Variants in NOP53 observed in about 807,000 individuals in gnomAD.
NOP53 encodes the protein NOP53 ribosome biogenesis factor.
Under a neutral mutation model 61.0 loss-of-function variants are expected in NOP53, and 40 were observed. The observed-to-expected ratio is 0.66, with a 90% confidence interval of 0.51 to 0.85. The LOEUF is 0.85. NOP53 is among the 40% of genes least tolerant of loss of function. NOP53 has a pLI of 0.00. For missense variants in NOP53, 689 were observed against 652.9 expected (o/e 1.06, Z -0.60); for synonymous variants, 308 against 289.5 (o/e 1.06, Z -0.65).
chr19:47,752,738 G>C, intron 6 of NOP53, 131 bp downstream of exon 6: 1 of 643,036 alleles, frequency 1.6e-6, no homozygotes, highest in Admixed American at 2.4e-5. Flanking sequence ...CGGGGCTCAC[G>C]GTCCAGTGCA....
chr19:47,747,685 C>T (rs1319257806), intron 2 of NOP53, among the ~76,000 whole-genome samples: 1 of 150,264 alleles, frequency 6.7e-6, no homozygotes, highest in East Asian at 2.0e-4. Context: ...GGTGTGATCT[C>T]AGTTCAAGCG....
chr19:47,756,880 G>A (rs1169976044), intron 12 of NOP53, 119 bp from the exon 13 acceptor site: 4 of 1,532,532 alleles, frequency 2.6e-6, no homozygotes, highest in South Asian at 1.1e-5. Flanking sequence ...AAGAGGCCCT[G>A]AAACCAGAGC....
Position 47,754,955 on chromosome 19 carries a change from C to T in NOP53, c.1053+64C>T. ...CGCCCCCTTCCTTCCTTCCTCCCAC[C>T]ATGGGCTGCCCTGGGTGCTGCGGGC... is the stretch of plus-strand genomic sequence containing the variant. On this transcript the variant is annotated intron_variant, in intron 8 of 12. Coordinates refer to ENST00000246802, the MANE Select transcript of NOP53 (RefSeq NM_015710.5). The surrounding 1 kb of genome is among the most constrained non-coding windows in gnomAD (Gnocchi z 4.2). 7.1e-7 allele frequency: 1 copy of T among 1,408,710 alleles called. No individual in the cohort carries two copies. The highest frequency in any genetic ancestry group is 9.3e-7 in the Non-Finnish European group (1 of 1,070,688). The allele number at this position is 1,408,710 out of a possible 1,614,324, so 87.3% of individuals were successfully genotyped here. A position where few individuals can be genotyped will look rare whatever the true frequency, so the allele number is the denominator to read the frequency against.
rs758816567 is a variant in NOP53 at position 47,755,502 on chromosome 19, C to T, written c.1208C>T (p.Pro403Leu). Reference protein sequence around the residue: ...QARREAEADKPRRLGRLKYQA... With the variant: ...QARREAEADKLRRLGRLKYQA... ...CGGCGGGAGGCTGAGGCTGACAAGC[C>T]CCGAAGGCTGGGGCGGCTCAAGTGA... is the stretch of plus-strand genomic sequence containing the variant. Residue 403 changes from proline to leucine, a missense_variant, in exon 9 of 13, where the codon CCC becomes CTC. Transcript: ENST00000246802. 6.2e-5 allele frequency: 92 copies of T among 1,476,958 alleles called. No homozygotes were observed. In the Admixed American group the frequency reaches 2.2e-3, roughly 36 times the overall value. The allele number at this position is 1,476,958 out of a possible 1,614,324, so 91.5% of individuals were successfully genotyped here.
chr19:47,746,055 A>G (rs1055200562), intron 1 of NOP53: 1 of 491,342 alleles, frequency 2.0e-6, no homozygotes. Flanking sequence ...TTTTTAGCAT[A>G]AATACGTTCC....
At chr19:47,747,779 C>CTTT (rs750831883) in intron 2 of NOP53, among the ~76,000 whole-genome samples, 3 of 56,868 alleles carry the variant, frequency 5.3e-5, no homozygotes, top group East Asian at 4.9e-4. Context: ...TTCTCTCTCT[C>CTTT]TTTTTTTTTT....
At chr19:47,751,240 C>T (rs1341512606) in intron 4 of NOP53, 133 bp downstream of exon 4, 18 of 854,406 alleles carry the variant, frequency 2.1e-5, no homozygotes, top group East Asian at 1.9e-4. Flanking sequence ...CCAGCAGAGT[C>T]GTGCGTCCTG....
chr19:47,750,457 C>T (rs545338971), intron 3 of NOP53, among the ~76,000 whole-genome samples, 171 bp downstream of exon 3: 163 of 151,992 alleles, frequency 1.1e-3, no homozygotes, highest in Non-Finnish European at 1.8e-3. Context: ...GGTGCTGGGC[C>T]GAGGCAGGTG....
chr19:47,746,885 G>A, intron 1 of NOP53, 82 bp from the exon 2 acceptor site: 2 of 1,144,522 alleles, frequency 1.7e-6, no homozygotes, highest in Admixed American at 3.6e-5. Context: ...TGACTAAGCG[G>A]AAGATGAAGG....
In NOP53 at chr19:47,754,956, A is replaced by G. The variant is rs372420768; in HGVS notation, c.1053+65A>G. 15 of 1,401,376 alleles carry G rather than the reference A, an allele frequency of 1.1e-5. No individual in the cohort carries two copies. In the South Asian group the frequency reaches 1.1e-4, roughly 11 times the overall value. The allele number at this position is 1,401,376 out of a possible 1,614,324, so 86.8% of individuals were successfully genotyped here. ...GCCCCCTTCCTTCCTTCCTCCCACCATGGGCTGCCCTGGGTGCTGCGGGCA... is the reference window on the plus strand; with the variant it reads ...GCCCCCTTCCTTCCTTCCTCCCACCGTGGGCTGCCCTGGGTGCTGCGGGCA... On this transcript the variant is annotated intron_variant, in intron 8 of 12. Coordinates refer to ENST00000246802, the MANE Select transcript of NOP53 (RefSeq NM_015710.5). The surrounding 1 kb of genome is among the most constrained non-coding windows in gnomAD (Gnocchi z 4.2).
intron 3 of NOP53, 76 bp downstream of exon 3, chr19:47,750,362 G>C (rs1967109926): frequency 1.2e-6 from 1 of 856,514 alleles, no homozygotes; most frequent in African/African-American, 1.7e-5. Context: ...GCTGGGGGCT[G>C]GTAGGTGAGG....
In NOP53 at chr19:47,754,676, A is replaced by C. The variant is rs1379322968; in HGVS notation, c.871-33A>C. 1 of 1,539,542 alleles carries C rather than the reference A, an allele frequency of 6.5e-7. No individual in the cohort carries two copies. The highest frequency in any genetic ancestry group is 8.8e-7 in the Non-Finnish European group (1 of 1,140,276). On this transcript the variant is annotated intron_variant, in intron 7 of 12. Transcript: ENST00000246802. The surrounding 1 kb of genome is among the most constrained non-coding windows in gnomAD (Gnocchi z 4.2). Reference sequence around the variant, plus strand: ...ACTCCCTCCCCTCCCCGGGCCTCCTACCCACCCCTGACACTGCACCCCGCC... The same window carrying C: ...ACTCCCTCCCCTCCCCGGGCCTCCTCCCCACCCCTGACACTGCACCCCGCC...
chr19:47,748,816 T>A (rs1401339265), intron 2 of NOP53, among the ~76,000 whole-genome samples: 2 of 152,040 alleles, frequency 1.3e-5, no homozygotes, highest in African/African-American at 4.8e-5. Flanking sequence ...GAGGCAGAGG[T>A]TGCAGTGAGC....
intron 6 of NOP53, chr19:47,753,795 G>A (rs917169803): frequency 6.6e-6 from 1 of 152,220 alleles, no homozygotes; most frequent in Non-Finnish European, 1.5e-5. Flanking sequence ...CCTAGTTAGA[G>A]TATGTGATTC....
chr19:47,754,823 G>T lies in NOP53; in HGVS notation c.985G>T (p.Ala329Ser). Residue 329 changes from alanine to serine, a missense_variant, in exon 8 of 13, where the codon GCC (alanine) becomes TCC (serine). Coordinates refer to ENST00000246802, the MANE Select transcript of NOP53 (RefSeq NM_015710.5). This position sits in a 1 kb window ranked among gnomAD's most constrained non-coding sequence, Gnocchi z 4.2. ...AGDAEVCPTPARLATTEKKTE... is the reference protein window; with the variant it reads ...AGDAEVCPTPSRLATTEKKTE... ...GGATGCCGAGGTCTGTCCCACGCCC[G>T]CCCGCCTGGCCACCACAGAGAAGAA... The T allele has an allele frequency of 2.0e-6, 3 of 1,534,880 alleles. No homozygotes were observed. Among genetic ancestry groups the T allele is most frequent in the Non-Finnish European group, 1.7e-6 (2 of 1,147,794 alleles).
At chr19:47,746,112 ATGTATATATGTGTG>A (rs1967060193) in intron 1 of NOP53, 1 of 354,088 alleles carries the variant, frequency 2.8e-6, no homozygotes, top group Non-Finnish European at 5.2e-6. Context: ...GTGTGTGTGT[ATGTATATATGTGTG>A]TGTATATATA....
chr19:47,755,614 C>T, intron 9 of NOP53, 91 bp downstream of exon 9: 1 of 1,363,128 alleles, frequency 7.3e-7, no homozygotes, highest in Non-Finnish European at 9.9e-7. Flanking sequence ...AGGAACTGCC[C>T]ACCCCCCCCA....
At position 47,751,193 on chromosome 19, in the gene NOP53, G is replaced by A. The variant is rs572635994; in HGVS notation, c.598+86G>A. The stretch of plus-strand genomic sequence containing the variant: ...GTTGTGCACTGCACGAGAGTACAGT[G>A]TGAAAGGGAGTGCTTTGTGGGTGCT... On this transcript the variant is annotated intron_variant, in intron 4 of 12. Coordinates refer to ENST00000246802, the MANE Select transcript of NOP53 (RefSeq NM_015710.5). 14 of 1,247,230 alleles carry A rather than the reference G, an allele frequency of 1.1e-5. No individual in the cohort carries two copies. In the African/African-American group the frequency reaches 1.2e-4, roughly 11 times the overall value. 77.3% of individuals were successfully genotyped at this position (1,247,230 alleles called of 1,614,324 possible). A position where few individuals can be genotyped will look rare whatever the true frequency, so the allele number is the denominator to read the frequency against.
chr19:47,754,818 C>A lies in NOP53; in HGVS notation c.980C>A (p.Thr327Lys). 6.5e-7 allele frequency: 1 copy of A among 1,533,528 alleles called. No individual in the cohort carries two copies. The highest frequency in any genetic ancestry group is 8.7e-7 in the Non-Finnish European group (1 of 1,146,350). The allele number at this position is 1,533,528 out of a possible 1,614,324, so 95.0% of individuals were successfully genotyped here. A position where few individuals can be genotyped will look rare whatever the true frequency, so the allele number is the denominator to read the frequency against. ...PEAGDAEVCP[T>K]PARLATTEKK... Reference sequence around the variant, plus strand: ...GCTGGGGATGCCGAGGTCTGTCCCACGCCCGCCCGCCTGGCCACCACAGAG... The same window carrying A: ...GCTGGGGATGCCGAGGTCTGTCCCAAGCCCGCCCGCCTGGCCACCACAGAG... Residue 327 changes from threonine to lysine, a missense_variant, in exon 8 of 13, where the codon ACG becomes AAG. Thr to Lys is a moderately conservative substitution (Grantham distance 78, BLOSUM62 -1). Transcript: ENST00000246802. This position sits in a 1 kb window ranked among gnomAD's most constrained non-coding sequence, Gnocchi z 4.2.
Sources: gnomAD v4.1 joint callset for allele counts (sites outside exome capture counted in the v4.1 genomes callset) on GRCh38, gnomAD v4.1.1 for gene constraint, Gnocchi (gnomAD v3.1) non-coding constraint, MANE v1.5 for transcripts, NCBI Gene and HGNC (gene_info 2026-07-23, HGNC 2026-07-21) for gene names.